Variants in SPAG16 observed in about 807,000 individuals in gnomAD.
SPAG16 encodes sperm-associated antigen 16 protein.
SPAG16 carries 86 observed loss-of-function variants against 80.4 expected under a neutral mutation model. That is an observed-to-expected ratio of 1.07 (90% CI 0.90 to 1.28). The LOEUF is 1.28. Ranked by LOEUF, SPAG16 falls within the 50% of genes most tolerant of loss-of-function variation. SPAG16 has a pLI of 0.00. For missense variants in SPAG16, 870 were observed against 765.3 expected (o/e 1.14, Z -1.61); for synonymous variants, 294 against 265.9 (o/e 1.11, Z -1.03).
chr2:213,327,944 A>G (rs2063915138), intron 5 of SPAG16, among the ~76,000 whole-genome samples: 2 of 152,162 alleles, frequency 1.3e-5, no homozygotes, highest in African/African-American at 2.4e-5. Flanking sequence ...TATGTAAGCC[A>G]CTTTACTAAA....
At chr2:213,371,276 G>A (rs1000238231) in intron 8 of SPAG16, among the ~76,000 whole-genome samples, 6 of 151,338 alleles carry the variant, frequency 4.0e-5, no homozygotes, top group Non-Finnish European at 7.4e-5. Context: ...ATGATGGTGC[G>A]TGCCTGTAAT....
intron 12 of SPAG16, among the ~76,000 whole-genome samples, chr2:213,968,492 C>T (rs750861125): frequency 1.2e-4 from 19 of 152,214 alleles, no homozygotes; most frequent in Non-Finnish European, 2.6e-4. Context: ...CGTGCCCGGC[C>T]TCAACTACTT....
At chr2:213,284,669 T>A (rs944094765) in intron 1 of SPAG16, 50 bp downstream of exon 1, 9 of 1,569,904 alleles carry the variant, frequency 5.7e-6, no homozygotes, top group Non-Finnish European at 6.0e-6. Flanking sequence ...GTAATGGGTG[T>A]TGGGACGAAG....
At chr2:213,369,058 C>G (rs1164362355) in intron 8 of SPAG16, among the ~76,000 whole-genome samples, 1 of 152,040 alleles carries the variant, frequency 6.6e-6, no homozygotes, top group Non-Finnish European at 1.5e-5. Context: ...AGGCTAGAAA[C>G]AATAAAATGG....
chr2:213,587,175 G>A (rs2060502478), intron 10 of SPAG16, among the ~76,000 whole-genome samples: 1 of 152,166 alleles, frequency 6.6e-6, no homozygotes, highest in Non-Finnish European at 1.5e-5. Flanking sequence ...CTCTGACAAT[G>A]AGGCAATTTT....
intron 15 of SPAG16, among the ~76,000 whole-genome samples, chr2:214,308,008 C>T (rs193017829): frequency 2.0e-5 from 3 of 152,176 alleles, no homozygotes; most frequent in Admixed American, 1.3e-4. Context: ...CCCACTATTA[C>T]TGTATGGGAG....
intron 15 of SPAG16, among the ~76,000 whole-genome samples, chr2:214,357,939 C>T (rs1028711656): frequency 6.6e-6 from 1 of 151,860 alleles, no homozygotes; most frequent in African/African-American, 2.4e-5. Flanking sequence ...ATCCTGGGTC[C>T]AAACTCTTAG....
intron 10 of SPAG16, among the ~76,000 whole-genome samples, chr2:213,741,546 G>A (rs895889529): frequency 2.0e-5 from 3 of 152,110 alleles, no homozygotes; most frequent in African/African-American, 7.2e-5. Flanking sequence ...TTAAAGTTTA[G>A]TCAAAGTTAT....
At chr2:213,719,624 A>T (rs2066422881) in intron 10 of SPAG16, among the ~76,000 whole-genome samples, 1 of 152,190 alleles carries the variant, frequency 6.6e-6, no homozygotes, top group African/African-American at 2.4e-5. Flanking sequence ...GTCACCCACC[A>T]ATTCTGGACA....
chr2:214,193,429 G>GT (rs1559119411), intron 15 of SPAG16, among the ~76,000 whole-genome samples: 12 of 67,906 alleles, frequency 1.8e-4, no homozygotes, highest in Non-Finnish European at 4.1e-4. Context: ...GTGTGTATGA[G>GT]AGAGAGAGAG....
intron 13 of SPAG16, among the ~76,000 whole-genome samples, chr2:214,049,880 A>G (rs2049546894): frequency 2.0e-5 from 3 of 152,380 alleles, no homozygotes; most frequent in African/African-American, 4.8e-5. Context: ...TATACATTTT[A>G]TAGAAACGTC....
At chr2:214,293,437 G>A (rs185171460) in intron 15 of SPAG16, among the ~76,000 whole-genome samples, 2 of 152,322 alleles carry the variant, frequency 1.3e-5, no homozygotes, top group Non-Finnish European at 2.9e-5. Flanking sequence ...TGGTGAGCTG[G>A]TCTGGTAATC....
At chr2:213,342,471 G>A (rs1337426950) in intron 6 of SPAG16, among the ~76,000 whole-genome samples, 3 of 150,728 alleles carry the variant, frequency 2.0e-5, no homozygotes, top group Non-Finnish European at 4.4e-5. Context: ...TTTTCTGAGT[G>A]TCATATTAAT....
At chr2:213,494,300 G>T (rs2074390816) in intron 10 of SPAG16, among the ~76,000 whole-genome samples, 1 of 152,126 alleles carries the variant, frequency 6.6e-6, no homozygotes, top group Admixed American at 6.5e-5. Context: ...TCCTGAGCTT[G>T]AATATCTAAT....
chr2:214,140,416 T>C (rs2055290640), intron 14 of SPAG16, among the ~76,000 whole-genome samples: 1 of 152,084 alleles, frequency 6.6e-6, no homozygotes, highest in Non-Finnish European at 1.5e-5. Flanking sequence ...CACATATATT[T>C]GATGATACTA....
intron 10 of SPAG16, among the ~76,000 whole-genome samples, chr2:213,764,015 C>T (rs900365264): frequency 6.6e-6 from 1 of 152,164 alleles, no homozygotes; most frequent in Non-Finnish European, 1.5e-5. Flanking sequence ...ATTTCCATAG[C>T]TCTCTCTTTT....
intron 10 of SPAG16, among the ~76,000 whole-genome samples, chr2:213,629,889 A>C (rs2062083160): frequency 6.6e-6 from 1 of 152,196 alleles, no homozygotes; most frequent in Non-Finnish European, 1.5e-5. Flanking sequence ...CTCAGTGCAC[A>C]GGCACAGCCT....
At chr2:213,323,666 A>G (rs545819609) in intron 5 of SPAG16, among the ~76,000 whole-genome samples, 7 of 152,352 alleles carry the variant, frequency 4.6e-5, no homozygotes, top group Admixed American at 2.0e-4. Context: ...TGAGGCAGAT[A>G]TTAGCACTCC....
At chr2:214,400,792 A>G (rs1479729933) in intron 15 of SPAG16, among the ~76,000 whole-genome samples, 1 of 152,046 alleles carries the variant, frequency 6.6e-6, no homozygotes, top group East Asian at 1.9e-4. Flanking sequence ...TAAGGTAAAC[A>G]AATCTGTTGA....
Sources: gnomAD v4.1 joint callset for allele counts (sites outside exome capture counted in the v4.1 genomes callset) on GRCh38, gnomAD v4.1.1 for gene constraint, MANE v1.5 for transcripts, NCBI Gene and HGNC (gene_info 2026-07-23, HGNC 2026-07-21) for gene names.